Variants in ZNF239 observed in about 807,000 individuals in gnomAD.
The protein encoded by ZNF239 is zinc finger protein (C2H2) homologous to mouse MOK-2.
Under a neutral mutation model 27.5 loss-of-function variants are expected in ZNF239, and 16 were observed. The observed-to-expected ratio is 0.58, with a 90% confidence interval of 0.39 to 0.88. The LOEUF (loss-of-function observed/expected upper bound fraction) is 0.88. ZNF239 is among the 40% of genes least tolerant of loss of function. The probability of loss-of-function intolerance (pLI) is 0.00; values close to 1 mark genes in which losing one functional copy is unlikely to be tolerated. For missense variants in ZNF239, 527 were observed against 551.9 expected (o/e 0.95, Z 0.45); for synonymous variants, 199 against 192.6 (o/e 1.03, Z -0.27).
intron 3 of ZNF239, among the ~76,000 whole-genome samples, chr10:43,567,010 C>T (rs1433938187): frequency 6.6e-6 from 1 of 152,266 alleles, no homozygotes; most frequent in African/African-American, 2.4e-5. Context: ...AGGAGAATCA[C>T]TTGAACCTGG....
intron 3 of ZNF239, among the ~76,000 whole-genome samples, chr10:43,562,277 C>T (rs1397871591): frequency 6.6e-6 from 1 of 152,250 alleles, no homozygotes; most frequent in Non-Finnish European, 1.5e-5. Flanking sequence ...TCTGAAGACA[C>T]ACATTACTTG....
At chr10:43,569,851 T>C (rs1837921972) in intron 2 of ZNF239, among the ~76,000 whole-genome samples, 1 of 151,904 alleles carries the variant, frequency 6.6e-6, no homozygotes, top group Admixed American at 6.6e-5. Context: ...ATAAAGGGAG[T>C]CCAAATATTT....
At chr10:43,570,099 C>T in intron 2 of ZNF239, 1 of 872,398 alleles carries the variant, frequency 1.1e-6, no homozygotes, top group Non-Finnish European at 1.4e-6. Flanking sequence ...TCAGCTAAGC[C>T]AGCTTTGGCC....
Position 43,560,691 on chromosome 10 carries a change from G to T in ZNF239, c.-92-2520C>A, listed in dbSNP as rs77275385. 3.3e-3 allele frequency among the ~76,000 whole-genome samples: 472 copies of T among 142,406 alleles called. 2 individuals carry two copies. The highest frequency in any genetic ancestry group is 0.012 in the African/African-American group (460 of 38,724). 93.4% of individuals were successfully genotyped at this position (142,406 alleles called of 152,430 possible). ...AAAGGCCTATAATATCCACCATCTG[G>T]ATTCTTATTACCTCCCTCCCTAGCC... On this transcript the variant is annotated intron_variant, in intron 3 of 3. Coordinates refer to ENST00000374446, the MANE Select transcript of ZNF239 (RefSeq NM_001099282.2).
chr10:43,561,916 C>T (rs10899827), intron 3 of ZNF239, among the ~76,000 whole-genome samples: 81,330 of 151,960 alleles, frequency 0.54, 22,039 homozygotes, highest in South Asian at 0.61. Context: ...GAGTCAAAAC[C>T]CCCCAAATAA....
At chr10:43,560,276 CA>C (rs1837127233) in intron 3 of ZNF239, among the ~76,000 whole-genome samples, 1 of 152,180 alleles carries the variant, frequency 6.6e-6, no homozygotes, top group Non-Finnish European at 1.5e-5. Flanking sequence ...TGAACGTACA[CA>C]ATGACCAATG....
rs767592360 is a variant in ZNF239 at position 43,557,496 on chromosome 10, T to C, written c.584A>G (p.His195Arg). ...GKILNTSPDG[H>R]PYEKIHTAEK... ...TGCAGTGTGGATTTTCTCATATGGA[T>C]GACCATCTGGGCTGGTGTTAAGTAT... The change falls in exon 4 of 4, where the codon CAT becomes CGT. Residue 195 changes from histidine (H) to arginine (R), a missense_variant. Physicochemically the swap from His to Arg is conservative, Grantham distance 29. Transcript: ENST00000374446. The C allele has an allele frequency of 3.1e-6, 5 of 1,614,236 alleles. No homozygotes were observed. The Admixed American group carries it at 8.3e-5, about 27-fold the overall frequency.
At chr10:43,559,080 T>C (rs1837027064) in intron 3 of ZNF239, among the ~76,000 whole-genome samples, 1 of 151,980 alleles carries the variant, frequency 6.6e-6, no homozygotes, top group Non-Finnish European at 1.5e-5. Flanking sequence ...AAATATGACA[T>C]GTTAAAGAAA....
In ZNF239 at chr10:43,557,650, T is replaced by C; in HGVS notation, c.430A>G (p.Lys144Glu). The C allele has an allele frequency of 6.2e-7, 1 of 1,614,232 alleles. No individual in the cohort carries two copies. The highest frequency in any genetic ancestry group is 8.5e-7 in the Non-Finnish European group (1 of 1,180,048). ...CAGTCAATGGGATCCAAAGATTCTT[T>C]TAACTGGCCATTCTGGCAAGTTGCC... ...GEATCQNGQL[K>E]ESLDPIDCNC... Residue 144 changes from lysine (K) to glutamate (E), a missense_variant, in exon 4 of 4, where the codon AAA (lysine) becomes GAA (glutamate). Physicochemically the swap from Lys to Glu is moderately conservative, Grantham distance 56. Coordinates refer to ENST00000374446, the MANE Select transcript of ZNF239 (RefSeq NM_001099282.2).
chr10:43,571,470 A>G (rs1838032199), intron 2 of ZNF239, among the ~76,000 whole-genome samples: 1 of 151,866 alleles, frequency 6.6e-6, no homozygotes, highest in Non-Finnish European at 1.5e-5. Flanking sequence ...CTCCTCTGAG[A>G]TCTCATAGCA....
intron 1 of ZNF239, among the ~76,000 whole-genome samples, 159 bp from the exon 2 acceptor site, chr10:43,573,836 C>A (rs927006465): frequency 1.3e-5 from 2 of 152,226 alleles, no homozygotes; most frequent in Non-Finnish European, 2.9e-5. Context: ...TCTGTCACCA[C>A]CTTCATCTCT....
intron 3 of ZNF239, among the ~76,000 whole-genome samples, chr10:43,560,496 C>T (rs1837147005): frequency 6.6e-6 from 1 of 151,028 alleles, no homozygotes; most frequent in South Asian, 2.1e-4. Context: ...AATAGGAGGC[C>T]CACCTGAGGC....
intron 2 of ZNF239, chr10:43,570,535 C>T (rs1325888977): frequency 1.0e-6 from 1 of 984,688 alleles, no homozygotes; most frequent in East Asian, 1.1e-4. Context: ...TTCAGAGATG[C>T]AAGCCCACCA....
intron 3 of ZNF239, among the ~76,000 whole-genome samples, chr10:43,566,135 G>T (rs1160034804): frequency 1.3e-5 from 2 of 152,170 alleles, no homozygotes; most frequent in Admixed American, 1.3e-4. Flanking sequence ...TTCACTACCT[G>T]GAGGTAACCA....
intron 3 of ZNF239, among the ~76,000 whole-genome samples, chr10:43,567,011 T>C (rs1388316994): frequency 1.3e-5 from 2 of 152,126 alleles, no homozygotes; most frequent in Admixed American, 1.3e-4. Flanking sequence ...GGAGAATCAC[T>C]TGAACCTGGG....
In ZNF239 at chr10:43,556,775, C is replaced by T; in HGVS notation, c.1305G>A (p.Lys435=). 1.2e-6 allele frequency: 2 copies of T among 1,614,072 alleles called. No homozygotes were observed. Among genetic ancestry groups the T allele is most frequent in the Non-Finnish European group, 1.7e-6 (2 of 1,180,000 alleles). Residue 435 remains lysine, a synonymous_variant, in exon 4 of 4, where the codon AAG becomes AAA. Coordinates refer to ENST00000374446, the MANE Select transcript of ZNF239 (RefSeq NM_001099282.2). Reference sequence around the variant, plus strand: ...AGCTCTGGCTGAAGCCCTTCCCACACTTGCTGCACTCATAGGGCTTCTCTC... The same window carrying T: ...AGCTCTGGCTGAAGCCCTTCCCACATTTGCTGCACTCATAGGGCTTCTCTC... The part of the protein sequence containing the change: ...HTGEKPYECS[K]CGKGFSQSSN...
In ZNF239 at chr10:43,571,054, A is replaced by G. The variant is rs1838000514; in HGVS notation, c.-216+2583T>C. The G allele has an allele frequency of 4.1e-6, 4 of 980,340 alleles. No individual in the cohort carries two copies. The South Asian group carries it at 1.9e-4, about 46-fold the overall frequency. 60.7% of individuals were successfully genotyped at this position (980,340 alleles called of 1,614,324 possible). On this transcript the variant is annotated intron_variant, in intron 2 of 3. Coordinates refer to ENST00000374446, the MANE Select transcript of ZNF239 (RefSeq NM_001099282.2). The stretch of plus-strand genomic sequence containing the variant: ...ACACTGAATAATCAACAGTCTTCCC[A>G]GGTATCAGTGGCACTAAGGAGTCAC...
At chr10:43,564,250 G>T in intron 3 of ZNF239, 1 of 977,692 alleles carries the variant, frequency 1.0e-6, no homozygotes, top group Non-Finnish European at 1.2e-6. Context: ...TGTTCTCTCA[G>T]AGCGGTGTTC....
At position 43,557,001 on chromosome 10, in the gene ZNF239, G is replaced by A. The variant is rs986396757; in HGVS notation, c.1079C>T (p.Ser360Leu). The part of the protein sequence containing the change: ...GECGKGFSQS[S>L]NLHIHRCIHT... ...GATGCACCGGTGAATGTGAAGGTTC[G>A]AGCTCTGACTGAAGCCCTTCCCACA... Residue 360 changes from serine to leucine, a missense_variant, in exon 4 of 4, where the codon TCG becomes TTG. Transcript: ENST00000374446. 5.0e-6 allele frequency: 8 copies of A among 1,613,880 alleles called. No homozygotes were observed. Among genetic ancestry groups the A allele is most frequent in the African/African-American group, 2.7e-5 (2 of 74,840 alleles).
Sources: allele counts gnomAD v4.1 joint callset (sites outside exome capture counted in the v4.1 genomes callset), GRCh38; gene constraint gnomAD v4.1.1; transcripts MANE v1.5; gene names NCBI Gene and HGNC (gene_info 2026-07-23, HGNC 2026-07-21).